Variants in TMEM117 observed in about 807,000 individuals in gnomAD.
TMEM117 encodes transmembrane protein 117.
TMEM117 carries 27 observed loss-of-function variants against 52.4 expected under a neutral mutation model. The observed-to-expected ratio is 0.51, with a 90% CI of 0.38 to 0.71. The LOEUF is 0.71. Ranked by LOEUF, TMEM117 falls within the 30% of genes least tolerant of loss-of-function variation. The pLI, the probability that TMEM117 is intolerant of heterozygous loss-of-function variation, is 0.00. For synonymous variants in TMEM117, 215 were observed against 206.3 expected (o/e 1.04, Z -0.36); for missense variants, 556 against 630.5 (o/e 0.88, Z 1.26).
chr12:44,074,198 C>A lies in TMEM117; in HGVS notation c.411-69327C>A, dbSNP rs542303946. The stretch of plus-strand genomic sequence containing the variant: ...GTAGCCTTTGAAGTTATACCAGTTG[C>A]ATTATAGTCAAGGTAATCATACAAT... On this transcript the variant is annotated intron_variant, in intron 3 of 7. Transcript: ENST00000266534. 3.3e-5 allele frequency among the ~76,000 whole-genome samples: 5 copies of A among 152,114 alleles called. 1 individual carries two copies. In the South Asian group the frequency reaches 1.0e-3, roughly 32 times the overall value.
chr12:44,188,958 T>A (rs1296418269), intron 4 of TMEM117, among the ~76,000 whole-genome samples: 1 of 152,160 alleles, frequency 6.6e-6, no homozygotes, highest in African/African-American at 2.4e-5. Context: ...ATGTACATAT[T>A]TTCAGGGTAC....
At chr12:43,845,376 G>A (rs536228547) in intron 2 of TMEM117, among the ~76,000 whole-genome samples, 6 of 145,846 alleles carry the variant, frequency 4.1e-5, no homozygotes, top group Non-Finnish European at 8.9e-5. Context: ...TGGGAGAATC[G>A]CTTGAACCTG....
At chr12:44,168,146 C>T (rs557746944) in intron 4 of TMEM117, among the ~76,000 whole-genome samples, 1 of 151,736 alleles carries the variant, frequency 6.6e-6, no homozygotes, top group African/African-American at 2.4e-5. Context: ...CCCAGCTACT[C>T]GGGAGGCTGA....
At chr12:44,294,273 T>C (rs570470205) in intron 5 of TMEM117, among the ~76,000 whole-genome samples, 165 of 152,288 alleles carry the variant, frequency 1.1e-3, no homozygotes, top group African/African-American at 3.9e-3. Flanking sequence ...CATAAAGTAT[T>C]CCCTCTCTAT....
At chr12:44,185,617 G>C (rs1949266552) in intron 4 of TMEM117, among the ~76,000 whole-genome samples, 1 of 151,986 alleles carries the variant, frequency 6.6e-6, no homozygotes, top group Non-Finnish European at 1.5e-5. Context: ...ATATTATTTA[G>C]CCATGTTTTA....
At position 43,938,792 on chromosome 12, in the gene TMEM117, A is replaced by G. The variant is rs140809885; in HGVS notation, c.278-5418A>G. On this transcript the variant is annotated intron_variant, in intron 2 of 7. Coordinates refer to ENST00000266534, the MANE Select transcript of TMEM117 (RefSeq NM_032256.3). ...AGGTGGATGGATAGCTGAGGTCAGG[A>G]GTTCCAGACCAGCCTGGCCAGCATG... Among the ~76,000 whole-genome samples, 685 of 152,240 alleles carry G rather than the reference A, an allele frequency of 4.5e-3. 6 individuals are homozygous for G. The highest frequency in any genetic ancestry group is 0.015 in the African/African-American group (640 of 41,538).
Position 44,352,386 on chromosome 12 carries a change from C to T in TMEM117, c.769-24209C>T, listed in dbSNP as rs1951576242. On this transcript the variant is annotated intron_variant, in intron 6 of 7. Transcript: ENST00000266534. ...CGTATACCTGTGCCATGTTGGTGTG[C>T]TGCACCTATTAACTCATCATTTAGC... Among the ~76,000 whole-genome samples, 10 of 152,104 alleles carry T rather than the reference C, an allele frequency of 6.6e-5. 1 individual carries two copies. In the South Asian group the frequency reaches 2.1e-3, roughly 32 times the overall value.
At chr12:44,133,703 T>C (rs555667803) in intron 3 of TMEM117, among the ~76,000 whole-genome samples, 2 of 152,306 alleles carry the variant, frequency 1.3e-5, no homozygotes, top group African/African-American at 4.8e-5. Flanking sequence ...GATGAGGCTT[T>C]GTGAGGCTAA....
At chr12:43,847,222 G>A (rs1943225603) in intron 2 of TMEM117, among the ~76,000 whole-genome samples, 2 of 152,162 alleles carry the variant, frequency 1.3e-5, no homozygotes, top group African/African-American at 4.8e-5. Flanking sequence ...AGGTTTCTGT[G>A]GTCTGGGACT....
the TMEM117 span, among the ~76,000 whole-genome samples, chr12:43,805,003 CAG>C: frequency 6.6e-6 from 1 of 152,174 alleles, no homozygotes; most frequent in African/African-American, 2.4e-5. Flanking sequence ...TTAAAAACAA[CAG>C]TATATATCAA....
chr12:44,127,232 CTG>C (rs1232936906), intron 3 of TMEM117, among the ~76,000 whole-genome samples: 2 of 152,132 alleles, frequency 1.3e-5, no homozygotes, highest in Admixed American at 6.5e-5. Flanking sequence ...GTAAAAACAA[CTG>C]TATCTTTAAA....
intron 6 of TMEM117, 117 bp from the exon 7 acceptor site, chr12:44,376,478 C>T (rs753612092): frequency 8.2e-7 from 1 of 1,221,664 alleles, no homozygotes; most frequent in Non-Finnish European, 1.2e-6. Context: ...ATATATCCAA[C>T]AGCTGGCTGC....
intron 3 of TMEM117, among the ~76,000 whole-genome samples, chr12:44,103,723 C>A (rs760887480): frequency 3.9e-5 from 6 of 151,992 alleles, no homozygotes; most frequent in African/African-American, 1.4e-4. Flanking sequence ...TATGAGGTGA[C>A]AAATGTTAAA....
the TMEM117 span, among the ~76,000 whole-genome samples, chr12:43,810,204 G>C: frequency 6.6e-6 from 1 of 151,612 alleles, no homozygotes; most frequent in African/African-American, 2.4e-5. Context: ...GGTTGGAAAA[G>C]TGCCTTAGCA....
intron 4 of TMEM117, among the ~76,000 whole-genome samples, chr12:44,155,799 G>T (rs11182427): frequency 0.016 from 2,451 of 152,118 alleles, 73 homozygotes; most frequent in African/African-American, 0.055. Flanking sequence ...CTGCCCTTTG[G>T]TCACCTGACA....
chr12:43,819,975 C>T, the TMEM117 span, among the ~76,000 whole-genome samples: 1 of 152,020 alleles, frequency 6.6e-6, no homozygotes, highest in Non-Finnish European at 1.5e-5. Context: ...CACATAAAGG[C>T]AGTTGAATAA....
intron 3 of TMEM117, among the ~76,000 whole-genome samples, chr12:44,124,471 G>C (rs1360694442): frequency 2.0e-5 from 3 of 152,180 alleles, no homozygotes; most frequent in African/African-American, 7.2e-5. Flanking sequence ...GGGCAACCTT[G>C]TCTTGTGCCA....
At chr12:44,164,236 T>G (rs1948934817) in intron 4 of TMEM117, among the ~76,000 whole-genome samples, 1 of 152,162 alleles carries the variant, frequency 6.6e-6, no homozygotes, top group South Asian at 2.1e-4. Flanking sequence ...AAATAGTTTT[T>G]GGGGTAAAGT....
chr12:43,959,258 C>T (rs1945362585), intron 3 of TMEM117, among the ~76,000 whole-genome samples: 1 of 152,166 alleles, frequency 6.6e-6, no homozygotes, highest in Non-Finnish European at 1.5e-5. Flanking sequence ...TGACTTAGGC[C>T]TTAGCCTCTG....
Sources: allele counts gnomAD v4.1 joint callset (sites outside exome capture counted in the v4.1 genomes callset), GRCh38; gene constraint gnomAD v4.1.1; transcripts MANE v1.5; gene names NCBI Gene and HGNC (gene_info 2026-07-23, HGNC 2026-07-21).